MAPRE2: variants seen among roughly 807,000 people sequenced by gnomAD.
MAPRE2 encodes the protein microtubule associated protein RP/EB family member 2.
In MAPRE2, 13 loss-of-function variants were observed where a neutral mutation model predicts 43.2. That is an observed-to-expected ratio of 0.30 (90% CI 0.20 to 0.48). MAPRE2 has a LOEUF of 0.48. MAPRE2 is among the 20% of genes least tolerant of loss of function. The pLI is 0.99. For missense variants in MAPRE2, 161 were observed against 400.2 expected (o/e 0.40, Z 5.10); for synonymous variants, 135 against 148.8 (o/e 0.91, Z 0.68).
intron 5 of MAPRE2, among the ~76,000 whole-genome samples, chr18:35,129,055 G>T (rs887567721): frequency 6.6e-6 from 1 of 152,136 alleles, no homozygotes; most frequent in Non-Finnish European, 1.5e-5. Context: ...AGAGGAATAG[G>T]CCAGTGCCGC....
intron 1 of MAPRE2, among the ~76,000 whole-genome samples, chr18:34,977,341 C>A (rs1230425916): frequency 2.6e-5 from 4 of 152,190 alleles, no homozygotes; most frequent in Non-Finnish European, 5.9e-5. Flanking sequence ...CTCTGTGCAC[C>A]CCAGGAAAGT....
rs1008898503 is a variant in MAPRE2, at chr18:34,984,504, T to C, written c.-70+7425T>C. ...TTTGAGGTACATAACATCAGCTAAATTATTTCTAAAAGCAAAAACTTGTAA... is the reference window on the plus strand; with the variant it reads ...TTTGAGGTACATAACATCAGCTAAACTATTTCTAAAAGCAAAAACTTGTAA... On this transcript the variant is annotated intron_variant, in intron 1 of 7. Transcript: ENST00000413393. 5 of 151,910 alleles carry C rather than the reference T, an allele frequency of 3.3e-5. No homozygotes were observed. The East Asian group carries it at 9.6e-4, about 29-fold the overall frequency. The allele number at this position is 151,910 out of a possible 1,614,324, so 9.4% of individuals were successfully genotyped here. A position where few individuals can be genotyped will look rare whatever the true frequency, so the allele number is the denominator to read the frequency against.
chr18:34,978,473 C>G, intron 1 of MAPRE2: 1 of 1,544,560 alleles, frequency 6.5e-7, no homozygotes, highest in African/African-American at 1.4e-5. Flanking sequence ...TACTTCTAAT[C>G]TGAGGACCCG....
At position 34,985,291 on chromosome 18, in the gene MAPRE2, T is replaced by TATATAATATATA. The variant is rs2097019278; in HGVS notation, c.-70+8216_-70+8217insAATATATAATAT. On this transcript the variant is annotated intron_variant, in intron 1 of 7. Transcript: ENST00000413393. ...TTATATAATATAATATATTATATAT[T>TATATAATATATA]ATATTATATATTGTATATATTATAT... is the stretch of plus-strand genomic sequence containing the variant. Among the ~76,000 whole-genome samples the TATATAATATATA allele has an allele frequency of 3.0e-4, 4 of 13,124 alleles. 1 individual carries two copies. Among genetic ancestry groups the TATATAATATATA allele is most frequent in the African/African-American group, 9.5e-4 (4 of 4,220 alleles). 8.6% of individuals were successfully genotyped at this position (13,124 alleles called of 152,430 possible).
At chr18:34,985,881 A>G (rs1455326801) in intron 1 of MAPRE2, among the ~76,000 whole-genome samples, 1 of 150,878 alleles carries the variant, frequency 6.6e-6, no homozygotes, top group East Asian at 1.9e-4. Flanking sequence ...TATTCTATAC[A>G]TGTAGCACTA....
chr18:35,056,140 ATTG>A (rs994405690), intron 1 of MAPRE2, among the ~76,000 whole-genome samples: 25 of 152,156 alleles, frequency 1.6e-4, no homozygotes, highest in Admixed American at 1.6e-3. Context: ...TCTTAAAAAA[ATTG>A]TAGATTTTTA....
chr18:34,994,968 C>T (rs894243555), intron 1 of MAPRE2, among the ~76,000 whole-genome samples: 1 of 152,120 alleles, frequency 6.6e-6, no homozygotes, highest in African/African-American at 2.4e-5. Flanking sequence ...TCCCTTTAAC[C>T]CATAAAAGTA....
chr18:34,995,857 G>A (rs1467569777), intron 1 of MAPRE2, among the ~76,000 whole-genome samples: 1 of 152,010 alleles, frequency 6.6e-6, no homozygotes, highest in African/African-American at 2.4e-5. Flanking sequence ...AGCACAGAGA[G>A]TGTGTGTGTG....
intron 1 of MAPRE2, among the ~76,000 whole-genome samples, chr18:34,981,991 T>G (rs1291176147): frequency 6.6e-6 from 1 of 151,452 alleles, no homozygotes; most frequent in East Asian, 1.9e-4. Flanking sequence ...TTCACTCTAT[T>G]CTCCTGCCTC....
chr18:34,980,661 C>A (rs1404432967), intron 1 of MAPRE2, among the ~76,000 whole-genome samples: 1 of 152,130 alleles, frequency 6.6e-6, no homozygotes, highest in Non-Finnish European at 1.5e-5. Flanking sequence ...GCTATGATAG[C>A]TTATTTGTTC....
intron 1 of MAPRE2, among the ~76,000 whole-genome samples, chr18:35,004,798 G>A (rs1193856631): frequency 6.6e-6 from 1 of 151,912 alleles, no homozygotes; most frequent in Non-Finnish European, 1.5e-5. Context: ...GGCGCCTGTA[G>A]TCCCAGCTAC....
intron 2 of MAPRE2, among the ~76,000 whole-genome samples, chr18:35,013,881 G>C (rs562138020): frequency 6.6e-6 from 1 of 152,038 alleles, no homozygotes; most frequent in Non-Finnish European, 1.5e-5. Flanking sequence ...GGCATTGTGT[G>C]TATATACTAC....
Position 35,008,772 on chromosome 18 carries a change from AT to A in MAPRE2, c.-8+3224del. Among the ~76,000 whole-genome samples, 3 of 152,288 alleles carry A rather than the reference AT, an allele frequency of 2.0e-5. No homozygotes were observed. In the South Asian group the frequency reaches 6.2e-4, roughly 32 times the overall value. ...TGGGATTATCTGTCAAGGACAGACC[AT>A]TTTTATGACTTTTAATCTAGTTTAC... On this transcript the variant is annotated intron_variant, in intron 2 of 7. Transcript: ENST00000413393.
chr18:34,994,352 C>T (rs1340370434), intron 1 of MAPRE2, among the ~76,000 whole-genome samples: 1 of 151,890 alleles, frequency 6.6e-6, no homozygotes, highest in African/African-American at 2.4e-5. Context: ...CAGAAGAAGT[C>T]TCAGTTGTGG....
chr18:35,077,491 G>C (rs537304812), intron 2 of MAPRE2, among the ~76,000 whole-genome samples: 1 of 152,202 alleles, frequency 6.6e-6, no homozygotes, highest in Non-Finnish European at 1.5e-5. Flanking sequence ...TAGGTGGGTG[G>C]TTGTGAGCCT....
At chr18:35,014,909 A>G (rs2097037201) in intron 2 of MAPRE2, among the ~76,000 whole-genome samples, 1 of 152,108 alleles carries the variant, frequency 6.6e-6, no homozygotes, top group African/African-American at 2.4e-5. Context: ...TGCCTTTTGC[A>G]TGGAGTACCA....
intron 6 of MAPRE2, among the ~76,000 whole-genome samples, chr18:35,137,692 C>T (rs761006997): frequency 4.6e-5 from 7 of 152,156 alleles, no homozygotes; most frequent in Non-Finnish European, 7.3e-5. Context: ...TATAACTCAC[C>T]GTGGAGGGCT....
intron 1 of MAPRE2, among the ~76,000 whole-genome samples, chr18:35,053,528 A>G (rs182895038): frequency 1.3e-5 from 2 of 152,238 alleles, no homozygotes; most frequent in Admixed American, 1.3e-4. Flanking sequence ...AACATGTTAC[A>G]TTTGGGAGGT....
At chr18:35,032,490 C>A (rs969013347) in intron 2 of MAPRE2, among the ~76,000 whole-genome samples, 3 of 152,082 alleles carry the variant, frequency 2.0e-5, no homozygotes, top group Non-Finnish European at 4.4e-5. Flanking sequence ...TCTAGATGAA[C>A]CATATGTGTT....
Sources: gnomAD v4.1 joint callset for allele counts (sites outside exome capture counted in the v4.1 genomes callset) on GRCh38, gnomAD v4.1.1 for gene constraint, MANE v1.5 for transcripts, NCBI Gene and HGNC (gene_info 2026-07-23, HGNC 2026-07-21) for gene names.